The following DNAH17 variants were observed in gnomAD, a reference collection of about 807,000 sequenced individuals.
DNAH17 encodes axonemal beta dynein heavy chain 17.
A neutral mutation model predicts 485.6 loss-of-function variants in DNAH17; 376 were observed. The observed-to-expected ratio is 0.77, with a 90% confidence interval of 0.71 to 0.84. The LOEUF (loss-of-function observed/expected upper bound fraction) is 0.84. Ranked by LOEUF, DNAH17 falls within the 40% of genes least tolerant of loss-of-function variation. DNAH17 has a pLI of 0.00. For missense variants in DNAH17, 6,370 were observed against 5,839.3 expected, an observed-to-expected ratio of 1.09 and a Z score of -2.96; for synonymous variants, 3,031 against 2,405.9, an observed-to-expected ratio of 1.26 and a Z score of -7.60.
chr17:78,426,366 G>A (rs1359644515), intron 79 of DNAH17, 91 bp downstream of exon 79: 8 of 1,407,576 alleles, frequency 5.7e-6, no homozygotes, highest in Admixed American at 3.0e-5. Flanking sequence ...TCCTGGCCAT[G>A]CTCCTGCAGG....
chr17:78,481,407 T>C (rs1180400625), intron 48 of DNAH17, among the ~76,000 whole-genome samples: 1 of 152,148 alleles, frequency 6.6e-6, no homozygotes, highest in East Asian at 1.9e-4. Flanking sequence ...CCTCCACAGA[T>C]ACTGATAATA....
chr17:78,526,613 C>T, intron 24 of DNAH17, 38 bp downstream of exon 24: 1 of 1,520,196 alleles, frequency 6.6e-7, no homozygotes, highest in Non-Finnish European at 8.9e-7. Context: ...GTGGGGTTCC[C>T]AGACTTACCC....
In DNAH17 at chr17:78,570,287, A is replaced by G; in HGVS notation, c.1004T>C (p.Ile335Thr). ...SEYYNTPARI[I>T]VILQEFCNQI... ...GTTGCAGAACTCCTGCAGGATGACG[A>G]TGATCCTGGCAGGTGTGTTATAGTA... Residue 335 changes from isoleucine to threonine, a missense_variant, in exon 7 of 81, where the codon ATC becomes ACC. Coordinates refer to ENST00000389840, the MANE Select transcript of DNAH17 (RefSeq NM_173628.4). 1 of 1,598,462 alleles carries G rather than the reference A, an allele frequency of 6.3e-7. No individual in the cohort carries two copies. Among genetic ancestry groups the G allele is most frequent in the African/African-American group, 1.3e-5 (1 of 74,848 alleles).
Position 78,479,553 on chromosome 17 carries a change from T to G in DNAH17, c.7832A>C (p.His2611Pro). The G allele has an allele frequency of 6.2e-7, 1 of 1,613,668 alleles. No individual in the cohort carries two copies. Among genetic ancestry groups the G allele is most frequent in the South Asian group, 1.1e-5 (1 of 91,082 alleles). The stretch of plus-strand genomic sequence containing the variant: ...CATGGAGACCGAGCGGAAGGCCAGG[T>G]GCTGCGTCAGGATTGTGTTGTAGAT... ...TTIYNTILTQ[H>P]LAFRSVSMAI... The change falls in exon 50 of 81, where the codon CAC becomes CCC. Residue 2611 changes from histidine (H) to proline (P), a missense_variant. Coordinates refer to ENST00000389840, the MANE Select transcript of DNAH17 (RefSeq NM_173628.4).
At chr17:78,486,973 G>A (rs2089637610) in intron 44 of DNAH17, among the ~76,000 whole-genome samples, 1 of 141,970 alleles carries the variant, frequency 7.0e-6, no homozygotes, top group Non-Finnish European at 1.5e-5. Context: ...CATGCCTGAA[G>A]CACCCCTTGG....
intron 15 of DNAH17, 32 bp downstream of exon 15, chr17:78,552,665 A>C (rs773590962): frequency 6.5e-7 from 1 of 1,540,030 alleles, no homozygotes; most frequent in South Asian, 1.1e-5. Context: ...TCCCAAGTTT[A>C]ATCCAATGTG....
chr17:78,501,257 C>T lies in DNAH17; in HGVS notation c.5410G>A (p.Asp1804Asn), dbSNP rs773394171. 7.4e-5 allele frequency: 119 copies of T among 1,609,106 alleles called. 1 individual carries two copies. In the East Asian group the frequency reaches 9.2e-4, roughly 12 times the overall value. ...EKRHCFANIC[D>N]AQIQYSYEYL... ...TCATAGGAATACTGGATTTGGGCAT[C>T]GCAGATGTTGGCAAAGCAGTGTCGC... Residue 1804 changes from aspartate (D) to asparagine (N), a missense_variant, in exon 35 of 81, where the codon GAT (aspartate) becomes AAT (asparagine). Physicochemically the swap from Asp to Asn is conservative, Grantham distance 23. Coordinates refer to ENST00000389840, the MANE Select transcript of DNAH17 (RefSeq NM_173628.4).
intron 71 of DNAH17, among the ~76,000 whole-genome samples, chr17:78,443,184 CAGG>C (rs1304403078): frequency 6.6e-6 from 1 of 152,180 alleles, no homozygotes; most frequent in African/African-American, 2.4e-5. Context: ...CAGAAGCTCT[CAGG>C]AGATGGGGAA....
chr17:78,448,887 G>A (rs2087427394), intron 69 of DNAH17, among the ~76,000 whole-genome samples: 1 of 152,216 alleles, frequency 6.6e-6, no homozygotes, highest in Non-Finnish European at 1.5e-5. Flanking sequence ...CCAGGACCAT[G>A]AGAAATAAAT....
chr17:78,570,596 A>G (rs2092337879), intron 6 of DNAH17, among the ~76,000 whole-genome samples: 3 of 152,168 alleles, frequency 2.0e-5, no homozygotes, highest in African/African-American at 7.2e-5. Flanking sequence ...GTGGTGGCTC[A>G]CGCCTGTAAT....
intron 66 of DNAH17, 71 bp downstream of exon 66, chr17:78,451,398 C>A: frequency 6.9e-7 from 1 of 1,448,476 alleles, no homozygotes; most frequent in Non-Finnish European, 9.3e-7. Context: ...GGTCGGGGAC[C>A]CTCACAGTGA....
intron 14 of DNAH17, among the ~76,000 whole-genome samples, chr17:78,557,636 CAAAAAAAAAAA>C (rs34251460): frequency 2.8e-4 from 8 of 29,014 alleles, no homozygotes; most frequent in East Asian, 3.3e-3. Context: ...GAGACTGTCT[CAAAAAAAAAAA>C]AAAAAAAAAA....
chr17:78,497,719 A>T (rs999008330), intron 37 of DNAH17, among the ~76,000 whole-genome samples: 9 of 152,224 alleles, frequency 5.9e-5, no homozygotes, highest in Non-Finnish European at 1.2e-4. Flanking sequence ...AGGAGGAAGC[A>T]GCCACCCCAG....
chr17:78,442,290 G>C (rs1003628120), intron 71 of DNAH17, among the ~76,000 whole-genome samples: 1 of 152,130 alleles, frequency 6.6e-6, no homozygotes, highest in South Asian at 2.1e-4. Context: ...GCAATCAGCC[G>C]GCTATTGCCT....
In DNAH17 at chr17:78,425,549, T is replaced by G. The variant is rs1305263916; in HGVS notation, c.12938A>C (p.Asp4313Ala). 1.1e-5 allele frequency: 18 copies of G among 1,612,310 alleles called. No individual in the cohort carries two copies. The highest frequency in any genetic ancestry group is 1.5e-5 in the Non-Finnish European group (18 of 1,179,072). ...CCACACGGTGGTGGGCAGGGCAAAG[T>G]CTGTCGTCCAGGCCTCGAGTTCCTG... ...RIRELEAWTT[D>A]FALPTTVWLA... Residue 4313 changes from aspartate (D) to alanine (A), a missense_variant, in exon 80 of 81, where the codon GAC becomes GCC. Coordinates refer to ENST00000389840, the MANE Select transcript of DNAH17 (RefSeq NM_173628.4).
In DNAH17 at chr17:78,470,929, GT is replaced by G. The variant is rs977182375; in HGVS notation, c.8512-2047del. Among the ~76,000 whole-genome samples the G allele has an allele frequency of 3.3e-5, 5 of 152,048 alleles. No individual in the cohort carries two copies. The East Asian group carries it at 7.7e-4, about 24-fold the overall frequency. On this transcript the variant is annotated intron_variant, in intron 54 of 80. Coordinates refer to ENST00000389840, the MANE Select transcript of DNAH17 (RefSeq NM_173628.4). ...GGAATTTTGCAAGAATAAATGAAAA[GT>G]TTTTTTTAAAGCATTTTACAGAGCA...
At chr17:78,524,139 TTATG>T (rs752079062) in intron 25 of DNAH17, among the ~76,000 whole-genome samples, 29 of 152,068 alleles carry the variant, frequency 1.9e-4, no homozygotes, top group African/African-American at 2.9e-4. Context: ...GTGCTCTTAT[TTATG>T]TGTTTATTTT....
Position 78,463,040 on chromosome 17 carries a change from T to A in DNAH17, c.8978A>T (p.Tyr2993Phe). ...VKASISFFMS[Y>F]VHTTVNEMSR... ...CATCTCGTTGACGGTGGTGTGCACG[T>A]AGGACATGAAGAAGCTGATGGAGGC... The change falls in exon 57 of 81, where the codon TAC becomes TTC. Residue 2993 changes from tyrosine to phenylalanine, a missense_variant. By Grantham distance (22) the Tyr-to-Phe change is conservative (BLOSUM62 3). Transcript: ENST00000389840. The A allele has an allele frequency of 1.2e-6, 2 of 1,613,850 alleles. No homozygotes were observed. The highest frequency in any genetic ancestry group is 1.7e-6 in the Non-Finnish European group (2 of 1,179,868).
intron 73 of DNAH17, 137 bp downstream of exon 73, chr17:78,438,953 T>G (rs960090620): frequency 3.1e-6 from 4 of 1,310,328 alleles, no homozygotes; most frequent in Admixed American, 2.9e-5. Flanking sequence ...TGCCTCCTCC[T>G]TCAGTGGTGT....
Sources: allele counts gnomAD v4.1 joint callset (sites outside exome capture counted in the v4.1 genomes callset), GRCh38; gene constraint gnomAD v4.1.1; transcripts MANE v1.5; gene names NCBI Gene and HGNC (gene_info 2026-07-23, HGNC 2026-07-21).